GALNTL6: variants seen among roughly 807,000 people sequenced by gnomAD.
GALNTL6 encodes polypeptide N-acetylgalactosaminyltransferase-like 6.
GALNTL6 carries 46 observed loss-of-function variants against 73.7 expected under a neutral mutation model. The ratio of observed to expected loss-of-function variants is 0.62; its 90% confidence interval spans 0.49 to 0.80. The LOEUF is 0.80. Ranked by LOEUF, GALNTL6 falls within the 30% of genes least tolerant of loss-of-function variation. The pLI, the probability that GALNTL6 is intolerant of heterozygous loss-of-function variation, is 0.00. For missense variants in GALNTL6, 604 were observed against 755.0 expected, an observed-to-expected ratio of 0.80 and a Z score of 2.34; for synonymous variants, 259 against 263.7, an observed-to-expected ratio of 0.98 and a Z score of 0.17.
At chr4:172,972,408 C>T (rs1189066491) in intron 10 of GALNTL6, among the ~76,000 whole-genome samples, 2 of 152,142 alleles carry the variant, frequency 1.3e-5, no homozygotes, top group African/African-American at 2.4e-5. Context: ...GAACACATAT[C>T]AAAAGATATC....
In GALNTL6 at chr4:172,638,378, G is replaced by A. The variant is rs114804792; in HGVS notation, c.554-170983G>A. Among the ~76,000 whole-genome samples the A allele has an allele frequency of 4.1e-3, 623 of 152,150 alleles. 4 individuals are homozygous for A. Among genetic ancestry groups the A allele is most frequent in the Non-Finnish European group, 6.6e-3 (448 of 67,998 alleles). ...GAACATATTGGTAAAGCCCCTCCCA[G>A]GAAATAAGCTCCTGTAAGGAAGTGG... On this transcript the variant is annotated intron_variant, in intron 5 of 12. Coordinates refer to ENST00000506823, the MANE Select transcript of GALNTL6 (RefSeq NM_001034845.3).
intron 5 of GALNTL6, among the ~76,000 whole-genome samples, chr4:172,721,999 T>TC (rs11413523): frequency 0.44 from 65,271 of 149,002 alleles, 16,293 homozygotes; most frequent in East Asian, 0.59. Context: ...TTTTTTTTTT[T>TC]CCCAAAATCG....
intron 2 of GALNTL6, among the ~76,000 whole-genome samples, chr4:172,094,085 C>A (rs1008451663): frequency 6.6e-6 from 1 of 152,134 alleles, no homozygotes; most frequent in African/African-American, 2.4e-5. Context: ...AAAATTTTCG[C>A]TCATAGTAGC....
Position 172,505,168 on chromosome 4 carries a change from G to A in GALNTL6, c.553+156479G>A, listed in dbSNP as rs1283816756. On this transcript the variant is annotated intron_variant, in intron 5 of 12. Coordinates refer to ENST00000506823, the MANE Select transcript of GALNTL6 (RefSeq NM_001034845.3). The stretch of plus-strand genomic sequence containing the variant: ...TGTACTTTTCAGAACAGACAATTTC[G>A]GAGTGGCAACTGCATATTTCAGTTG... Among the ~76,000 whole-genome samples, 20 of 55,220 alleles carry A rather than the reference G, an allele frequency of 3.6e-4. 8 individuals are homozygous for A. Among genetic ancestry groups the A allele is most frequent in the African/African-American group, 7.2e-4 (16 of 22,260 alleles). 36.2% of individuals were successfully genotyped at this position (55,220 alleles called of 152,430 possible).
intron 3 of GALNTL6, among the ~76,000 whole-genome samples, chr4:172,231,010 C>T (rs1223387800): frequency 4.6e-5 from 7 of 151,308 alleles, no homozygotes; most frequent in African/African-American, 7.3e-5. Context: ...GCCTGCCCCA[C>T]GCCCCACCCC....
chr4:171,906,381 C>A (rs958827713), intron 2 of GALNTL6, among the ~76,000 whole-genome samples: 13 of 151,790 alleles, frequency 8.6e-5, no homozygotes, highest in Non-Finnish European at 1.8e-4. Context: ...CGCAAATAAA[C>A]TAGAAAATCT....
At chr4:172,928,976 GGAAGAGTTGATTTC>G (rs904059007) in intron 8 of GALNTL6, among the ~76,000 whole-genome samples, 2 of 152,176 alleles carry the variant, frequency 1.3e-5, no homozygotes, top group African/African-American at 2.4e-5. Flanking sequence ...TTCCTGCTGT[GGAAGAGTTGATTTC>G]TTAAGATCCT....
At chr4:171,822,776 A>G (rs1734719596) in intron 2 of GALNTL6, among the ~76,000 whole-genome samples, 1 of 152,214 alleles carries the variant, frequency 6.6e-6, no homozygotes, top group African/African-American at 2.4e-5. Context: ...TTAACTTCGA[A>G]TCTATTAGTT....
At chr4:171,992,652 A>G (rs1479153888) in intron 2 of GALNTL6, among the ~76,000 whole-genome samples, 2 of 152,080 alleles carry the variant, frequency 1.3e-5, no homozygotes, top group Non-Finnish European at 2.9e-5. Context: ...CAACTGCTAT[A>G]TTTTAAAAAA....
intron 3 of GALNTL6, among the ~76,000 whole-genome samples, chr4:172,234,087 A>G (rs2064530597): frequency 6.6e-6 from 1 of 152,086 alleles, no homozygotes; most frequent in African/African-American, 2.4e-5. Flanking sequence ...AACTCTTAAC[A>G]CTGATATGAA....
At chr4:171,874,888 C>A (rs1736231880) in intron 2 of GALNTL6, among the ~76,000 whole-genome samples, 1 of 152,160 alleles carries the variant, frequency 6.6e-6, no homozygotes, top group African/African-American at 2.4e-5. Flanking sequence ...ATGGAGCAAG[C>A]ATAATTATCA....
At chr4:172,307,945 G>A (rs2111136285) in intron 3 of GALNTL6, among the ~76,000 whole-genome samples, 1 of 141,828 alleles carries the variant, frequency 7.1e-6, no homozygotes, top group East Asian at 2.3e-4. Context: ...GCTTTTGGTA[G>A]TATGGTCATT....
At chr4:172,276,985 A>G (rs561388153) in intron 3 of GALNTL6, among the ~76,000 whole-genome samples, 273 of 152,230 alleles carry the variant, frequency 1.8e-3, no homozygotes, top group African/African-American at 5.9e-3. Context: ...TGACCATTAT[A>G]TCTTGAAACG....
At chr4:172,566,607 CTT>C (rs1736563402) in intron 5 of GALNTL6, among the ~76,000 whole-genome samples, 1 of 151,454 alleles carries the variant, frequency 6.6e-6, no homozygotes, top group Non-Finnish European at 1.5e-5. Context: ...AACAACATAA[CTT>C]TAAGTATCAA....
At chr4:172,522,511 A>C (rs568076171) in intron 5 of GALNTL6, among the ~76,000 whole-genome samples, 2 of 152,248 alleles carry the variant, frequency 1.3e-5, no homozygotes, top group African/African-American at 4.8e-5. Context: ...TCTCTACTAA[A>C]AATACAAAAT....
chr4:172,471,383 GGTAACCT>G (rs1733042339), intron 5 of GALNTL6, among the ~76,000 whole-genome samples: 1 of 152,206 alleles, frequency 6.6e-6, no homozygotes, highest in East Asian at 1.9e-4. Context: ...GATATTTAAA[GGTAACCT>G]TTCCCTTTCC....
intron 12 of GALNTL6, among the ~76,000 whole-genome samples, chr4:173,022,494 CA>C: frequency 6.6e-6 from 1 of 152,370 alleles, no homozygotes; most frequent in East Asian, 1.9e-4. Context: ...TTTTTAACAT[CA>C]CCATTCACAA....
At chr4:172,919,224 G>A (rs193211263) in intron 8 of GALNTL6, among the ~76,000 whole-genome samples, 26 of 152,272 alleles carry the variant, frequency 1.7e-4, no homozygotes, top group African/African-American at 6.3e-4. Context: ...GAGGAAGCTC[G>A]TGGAAACGGT....
chr4:172,602,274 A>G (rs1286058384), intron 5 of GALNTL6, among the ~76,000 whole-genome samples: 1 of 152,170 alleles, frequency 6.6e-6, no homozygotes, highest in Admixed American at 6.6e-5. Context: ...AAAGAAGTGA[A>G]GAAGATAGGG....
Sources: allele counts gnomAD v4.1 joint callset (sites outside exome capture counted in the v4.1 genomes callset), GRCh38; gene constraint gnomAD v4.1.1; transcripts MANE v1.5; gene names NCBI Gene and HGNC (gene_info 2026-07-23, HGNC 2026-07-21).